Variants in MPHOSPH8 observed in about 807,000 individuals in gnomAD.
MPHOSPH8 encodes M-phase phosphoprotein, mpp.
In MPHOSPH8, 45 loss-of-function variants were observed where a neutral mutation model predicts 87.3. The observed-to-expected ratio is 0.52, with a 90% confidence interval of 0.41 to 0.66. The LOEUF is 0.66. Among genes scored for constraint, MPHOSPH8 ranks in the 30% least tolerant of loss-of-function variants. The pLI is 0.00. For missense variants in MPHOSPH8, 883 were observed against 1,020.2 expected (o/e 0.87, Z 1.83); for synonymous variants, 366 against 376.9 (o/e 0.97, Z 0.33).
chr13:19,661,936 G>A (rs1341148344), intron 8 of MPHOSPH8, 98 bp downstream of exon 8: 2 of 1,354,144 alleles, frequency 1.5e-6, no homozygotes, highest in Admixed American at 2.9e-5. Flanking sequence ...CAGTCACATG[G>A]TCACATCGCT....
In MPHOSPH8 at chr13:19,670,881, C is replaced by T. The variant is rs191726034; in HGVS notation, c.2458-325C>T. 3.0e-5 allele frequency: 31 copies of T among 1,037,210 alleles called. 1 individual carries two copies. Among genetic ancestry groups the T allele is most frequent in the East Asian group, 1.0e-4 (2 of 19,732 alleles). The allele number at this position is 1,037,210 out of a possible 1,614,324, so 64.3% of individuals were successfully genotyped here. A position where few individuals can be genotyped will look rare whatever the true frequency, so the allele number is the denominator to read the frequency against. ...TTGTCCAGGCTGGAGTGCAGTGGCGCGGATTACAGCTCACTGGAGTCTTGA... is the reference window on the plus strand; with the variant it reads ...TTGTCCAGGCTGGAGTGCAGTGGCGTGGATTACAGCTCACTGGAGTCTTGA... On this transcript the variant is annotated intron_variant, in intron 12 of 13. Transcript: ENST00000361479.
At chr13:19,634,499 A>C (rs1348194467) in intron 1 of MPHOSPH8, among the ~76,000 whole-genome samples, 1 of 152,146 alleles carries the variant, frequency 6.6e-6, no homozygotes, top group Admixed American at 6.5e-5. Flanking sequence ...TCGCAGCCAC[A>C]CAGAAATACT....
At chr13:19,668,677 A>G (rs1443356172) in intron 11 of MPHOSPH8, 146 bp downstream of exon 11, 15 of 894,306 alleles carry the variant, frequency 1.7e-5, no homozygotes, top group Non-Finnish European at 2.3e-5. Flanking sequence ...CAGTAGAGCC[A>G]CTCTGGTGGA....
rs114300765 is a variant in MPHOSPH8 at position 19,651,042 on chromosome 13, C to T, written c.1576+782C>T. ...AAATAGTAACACTGCTGTTGAGATACCAGGCAGTAAAAAACAGATACAGTA... is the reference window on the plus strand; with the variant it reads ...AAATAGTAACACTGCTGTTGAGATATCAGGCAGTAAAAAACAGATACAGTA... On this transcript the variant is annotated intron_variant, in intron 5 of 13. Coordinates refer to ENST00000361479, the MANE Select transcript of MPHOSPH8 (RefSeq NM_017520.4). 7.1e-3 allele frequency among the ~76,000 whole-genome samples: 1,087 copies of T among 152,228 alleles called. 15 individuals are homozygous for T. Among genetic ancestry groups the T allele is most frequent in the African/African-American group, 0.025 (1,032 of 41,534 alleles).
chr13:19,659,654 A>G, intron 7 of MPHOSPH8: 1 of 424,386 alleles, frequency 2.4e-6, no homozygotes, highest in Non-Finnish European at 4.7e-6. Flanking sequence ...ACAGAGCAAG[A>G]CTCCCATCTC....
chr13:19,671,151 G>T, intron 12 of MPHOSPH8, 55 bp from the exon 13 acceptor site: 1 of 1,586,962 alleles, frequency 6.3e-7, no homozygotes, highest in Non-Finnish European at 8.5e-7. Context: ...GGTGTTTTAA[G>T]GGCTTCTGGT....
intron 7 of MPHOSPH8, among the ~76,000 whole-genome samples, chr13:19,660,444 G>GT (rs1232985068): frequency 6.6e-6 from 1 of 151,946 alleles, no homozygotes; most frequent in Non-Finnish European, 1.5e-5. Flanking sequence ...ATATTCTTTA[G>GT]TTTTTTAGCT....
chr13:19,639,248 G>A (rs1164318903), intron 1 of MPHOSPH8, among the ~76,000 whole-genome samples: 2 of 151,780 alleles, frequency 1.3e-5, no homozygotes, highest in Non-Finnish European at 1.5e-5. Flanking sequence ...AGTTGCTTGC[G>A]ACTCCTCCTG....
Position 19,646,612 on chromosome 13 carries a change from A to C in MPHOSPH8, c.539A>C (p.Asp180Ala). Residue 180 changes from aspartate to alanine, a missense_variant, in exon 3 of 14, where the codon GAC (aspartate) becomes GCC (alanine). Physicochemically the swap from Asp to Ala is moderately radical, Grantham distance 126. Around this residue, in one of 3 missense-constraint regions of MPHOSPH8, gnomAD observed 741 missense variants for 841.5 expected, o/e 0.88. Transcript: ENST00000361479. ...AAAGCAAAGGCCGGGAAGCTAAAAG[A>C]CAAGTCCAAACCAGACCTGGAGAGC... ...KKKAKAGKLK[D>A]KSKPDLESSL... 7 of 1,584,262 alleles carry C rather than the reference A, an allele frequency of 4.4e-6. No individual in the cohort carries two copies. Among genetic ancestry groups the C allele is most frequent in the Non-Finnish European group, 6.0e-6 (7 of 1,173,196 alleles).
chr13:19,663,019 T>G, intron 8 of MPHOSPH8, 21 bp from the exon 9 acceptor site: 1 of 1,563,696 alleles, frequency 6.4e-7, no homozygotes, highest in Non-Finnish European at 8.8e-7. Flanking sequence ...AAATTAAATT[T>G]GCCTTTTTTT....
intron 5 of MPHOSPH8, 181 bp downstream of exon 5, chr13:19,650,441 A>G: frequency 1.7e-6 from 1 of 601,848 alleles, no homozygotes; most frequent in Non-Finnish European, 2.6e-6. Context: ...TTCTCAATGG[A>G]TCAAACAATT....
intron 2 of MPHOSPH8, 77 bp downstream of exon 2, chr13:19,642,347 A>G: frequency 1.6e-6 from 2 of 1,212,612 alleles, no homozygotes; most frequent in Non-Finnish European, 2.2e-6. Flanking sequence ...TATGTGTAGT[A>G]AATGATTTAC....
At position 19,648,433 on chromosome 13, in the gene MPHOSPH8, C is replaced by A. The variant is rs1229556625; in HGVS notation, c.1230C>A (p.Thr410=). ...STDSAEEDKE[T]KRNESKEKYQ... ...CATGTCATTTTCAGGACAAAGAAACCAAAAGAAATGAATCCAAAGAAAAAT... is the reference window on the plus strand; with the variant it reads ...CATGTCATTTTCAGGACAAAGAAACAAAAAGAAATGAATCCAAAGAAAAAT... The change falls in exon 4 of 14, where the codon ACC becomes ACA. Residue 410 remains threonine, a synonymous_variant. Coordinates refer to ENST00000361479, the MANE Select transcript of MPHOSPH8 (RefSeq NM_017520.4). The A allele has an allele frequency of 5.1e-6, 8 of 1,582,290 alleles. No homozygotes were observed. The highest frequency in any genetic ancestry group is 6.9e-6 in the Non-Finnish European group (8 of 1,164,272).
At chr13:19,645,840 T>C (rs1406256819) in intron 2 of MPHOSPH8, among the ~76,000 whole-genome samples, 1 of 152,130 alleles carries the variant, frequency 6.6e-6, no homozygotes, top group African/African-American at 2.4e-5. Context: ...CAGAAAATAC[T>C]TTGCATAGTG....
In MPHOSPH8 at chr13:19,658,951, T is replaced by C. The variant is rs769907680; in HGVS notation, c.1577-44T>C. On this transcript the variant is annotated intron_variant, in intron 5 of 13. Transcript: ENST00000361479. The stretch of plus-strand genomic sequence containing the variant: ...CATAAACAACATTGTGGGTTTTTTA[T>C]ACTTCAGACAAATGTATGTTAACAA... The C allele has an allele frequency of 2.5e-6, 4 of 1,587,840 alleles. No homozygotes were observed. The African/African-American group carries it at 5.4e-5, about 22-fold the overall frequency.
In MPHOSPH8 at chr13:19,661,763, C is replaced by G. The variant is rs138869630; in HGVS notation, c.1857C>G (p.Leu619=). ...GAGGGCAGGACGACCTCCTGCGACT[C>G]CTCATCACAAAAGGCGCGAAAGTGA... ...AAGGQDDLLR[L]LITKGAKVNG... Residue 619 remains leucine, a synonymous_variant, in exon 8 of 14, where the codon CTC becomes CTG. Transcript: ENST00000361479. 64 of 1,613,198 alleles carry G rather than the reference C, an allele frequency of 4.0e-5. No individual in the cohort carries two copies. The African/African-American group carries it at 7.2e-4, about 18-fold the overall frequency.
chr13:19,662,231 G>A (rs1185200609), intron 8 of MPHOSPH8, among the ~76,000 whole-genome samples: 3 of 151,736 alleles, frequency 2.0e-5, no homozygotes, highest in Non-Finnish European at 4.4e-5. Flanking sequence ...GAGCCACCGC[G>A]CCTGGCTGTC....
In MPHOSPH8 at chr13:19,648,520, G is replaced by C. The variant is rs1338381486; in HGVS notation, c.1317G>C (p.Lys439Asn). ...GCAGAAAAGAGCCAAAAGGATTAAA[G>C]AGTGAGTGTAAATATTAACGTTTTG... ...EKGRKEPKGL[K>N]TLKEIRNAFD... Residue 439 changes from lysine (K) to asparagine (N), a missense_variant and splice_region_variant, in exon 4 of 14, where the codon AAG becomes AAC. Around this residue, in one of 3 missense-constraint regions of MPHOSPH8, gnomAD observed 741 missense variants for 841.5 expected, o/e 0.88. Transcript: ENST00000361479. 6.5e-7 allele frequency: 1 copy of C among 1,542,496 alleles called. No individual in the cohort carries two copies. The highest frequency in any genetic ancestry group is 1.4e-5 in the African/African-American group (1 of 71,932).
chr13:19,666,062 G>A lies in MPHOSPH8; in HGVS notation c.2020-363G>A, dbSNP rs142860718. ...GAGGGGCTGGCTCACGGGGGACAGCGTGGCATGGACAGAGGGCAGCAGCAG... is the reference window on the plus strand; with the variant it reads ...GAGGGGCTGGCTCACGGGGGACAGCATGGCATGGACAGAGGGCAGCAGCAG... On this transcript the variant is annotated intron_variant, in intron 9 of 13. Coordinates refer to ENST00000361479, the MANE Select transcript of MPHOSPH8 (RefSeq NM_017520.4). Among the ~76,000 whole-genome samples the A allele has an allele frequency of 1.5e-4, 23 of 152,298 alleles. No homozygotes were observed. The East Asian group carries it at 3.3e-3, about 22-fold the overall frequency.
Sources: allele counts gnomAD v4.1 joint callset (sites outside exome capture counted in the v4.1 genomes callset), GRCh38; gene constraint gnomAD v4.1.1; regional missense constraint gnomAD v4.1.1; transcripts MANE v1.5; gene names NCBI Gene and HGNC (gene_info 2026-07-23, HGNC 2026-07-21).